Variants in SGCZ observed in about 807,000 individuals in gnomAD.
SGCZ encodes zeta-sarcoglycan.
A neutral mutation model predicts 41.3 loss-of-function variants in SGCZ; 40 were observed. The observed-to-expected ratio is 0.97, with a 90% confidence interval of 0.75 to 1.26. The LOEUF (loss-of-function observed/expected upper bound fraction) is 1.26, where lower values mean the gene tolerates loss of function less well. SGCZ is among the 50% of genes most tolerant of loss of function. The pLI, the probability that SGCZ is intolerant of heterozygous loss-of-function variation, is 0.00. For synonymous variants in SGCZ, 206 were observed against 137.5 expected, an observed-to-expected ratio of 1.50 and a Z score of -3.49; for missense variants, 552 against 369.8, an observed-to-expected ratio of 1.49 and a Z score of -4.04.
intron 1 of SGCZ, among the ~76,000 whole-genome samples, chr8:15,051,503 C>T (rs1230019938): frequency 2.0e-5 from 3 of 151,900 alleles, no homozygotes; most frequent in South Asian, 2.1e-4. Flanking sequence ...TGGACATATG[C>T]GTATATTTTC....
At chr8:14,887,255 C>G (rs909621827) in intron 1 of SGCZ, among the ~76,000 whole-genome samples, 1 of 152,124 alleles carries the variant, frequency 6.6e-6, no homozygotes, top group East Asian at 1.9e-4. Flanking sequence ...ATGCAGATAT[C>G]CTTATTCATA....
At chr8:14,132,186 G>GTCTTAAAGTTTGCTATTTTTT (rs1803062190) in intron 5 of SGCZ, among the ~76,000 whole-genome samples, 1 of 151,896 alleles carries the variant, frequency 6.6e-6, no homozygotes, top group East Asian at 1.9e-4. Context: ...TGCTTGGCCT[G>GTCTTAAAGTTTGCTATTTTTT]TCTTAAAGTT....
At chr8:14,368,246 C>CA (rs1803784224) in intron 2 of SGCZ, among the ~76,000 whole-genome samples, 1 of 151,810 alleles carries the variant, frequency 6.6e-6, no homozygotes. Flanking sequence ...CTTTTAATTG[C>CA]ATGTTATAAT....
intron 1 of SGCZ, among the ~76,000 whole-genome samples, chr8:15,132,769 G>A (rs1031499433): frequency 6.6e-6 from 1 of 152,132 alleles, no homozygotes; most frequent in Non-Finnish European, 1.5e-5. Context: ...GTCAGCAAAT[G>A]CTTCCTCTCT....
At chr8:14,459,465 A>G (rs1367707787) in intron 2 of SGCZ, among the ~76,000 whole-genome samples, 1 of 152,198 alleles carries the variant, frequency 6.6e-6, no homozygotes, top group Non-Finnish European at 1.5e-5. Context: ...GTTCTAATAC[A>G]TATAGAAGGC....
chr8:14,768,576 C>T (rs1800119116), intron 1 of SGCZ, among the ~76,000 whole-genome samples: 1 of 152,130 alleles, frequency 6.6e-6, no homozygotes, highest in African/African-American at 2.4e-5. Context: ...AAAATTATGT[C>T]TTTTTTGTCC....
At chr8:14,416,513 G>A (rs1799497767) in intron 2 of SGCZ, among the ~76,000 whole-genome samples, 1 of 151,828 alleles carries the variant, frequency 6.6e-6, no homozygotes, top group Admixed American at 6.6e-5. Context: ...TTAGCAGAGT[G>A]AAGGCCCCAG....
intron 1 of SGCZ, among the ~76,000 whole-genome samples, chr8:14,915,690 C>T (rs1263183843): frequency 1.3e-5 from 2 of 152,148 alleles, no homozygotes; most frequent in African/African-American, 4.8e-5. Context: ...TCTGTGTTCC[C>T]TTCGTAGTAA....
intron 1 of SGCZ, among the ~76,000 whole-genome samples, chr8:14,845,646 G>A (rs775067915): frequency 1.3e-5 from 2 of 152,104 alleles, no homozygotes; most frequent in South Asian, 2.1e-4. Context: ...ATGGAAAAAC[G>A]ATGCCCAAAT....
intron 1 of SGCZ, among the ~76,000 whole-genome samples, chr8:14,782,262 A>T: frequency 6.6e-6 from 1 of 152,056 alleles, no homozygotes; most frequent in East Asian, 1.9e-4. Context: ...TTGAGTAAAA[A>T]CTCTGTCATT....
At chr8:15,194,363 A>G (rs17472351) in intron 1 of SGCZ, among the ~76,000 whole-genome samples, 18,296 of 152,224 alleles carry the variant, frequency 0.12, 1,230 homozygotes, top group African/African-American at 0.19. Context: ...AGGTAGATAC[A>G]AACTTCAAAC....
intron 4 of SGCZ, among the ~76,000 whole-genome samples, chr8:14,192,491 C>A (rs1442552948): frequency 6.6e-6 from 1 of 151,772 alleles, no homozygotes; most frequent in Non-Finnish European, 1.5e-5. Flanking sequence ...TGTTATCTCC[C>A]AGAATTATTT....
At chr8:14,529,398 A>T (rs1249062016) in intron 2 of SGCZ, among the ~76,000 whole-genome samples, 1 of 152,160 alleles carries the variant, frequency 6.6e-6, no homozygotes, top group Non-Finnish European at 1.5e-5. Flanking sequence ...AGGGGCTGGC[A>T]TGCGTGATCA....
chr8:14,479,453 T>C (rs1801459900), intron 2 of SGCZ, among the ~76,000 whole-genome samples: 1 of 152,172 alleles, frequency 6.6e-6, no homozygotes, highest in Admixed American at 6.5e-5. Flanking sequence ...CCCAGTTCAC[T>C]GACAAAGGTT....
chr8:14,160,884 G>A (rs904775626), intron 5 of SGCZ, among the ~76,000 whole-genome samples: 1 of 152,166 alleles, frequency 6.6e-6, no homozygotes, highest in Admixed American at 6.5e-5. Flanking sequence ...TTGTCTAAAT[G>A]AATCCATCCA....
At chr8:14,139,658 A>G (rs555491122) in intron 5 of SGCZ, among the ~76,000 whole-genome samples, 27 of 152,316 alleles carry the variant, frequency 1.8e-4, no homozygotes, top group African/African-American at 6.5e-4. Flanking sequence ...GAATCCCTGA[A>G]TAGACTAAAA....
intron 1 of SGCZ, among the ~76,000 whole-genome samples, chr8:15,183,413 A>T (rs1421335951): frequency 2.6e-5 from 4 of 152,208 alleles, no homozygotes; most frequent in Non-Finnish European, 5.9e-5. Flanking sequence ...CAGGTCCATT[A>T]TAAGTTTATG....
chr8:15,142,701 T>C (rs1435604338), intron 1 of SGCZ, among the ~76,000 whole-genome samples: 1 of 104,412 alleles, frequency 9.6e-6, no homozygotes, highest in Non-Finnish European at 1.8e-5. Context: ...AACCTCCGCC[T>C]CCTGGGCTCA....
chr8:14,492,247 A>G (rs1563364818), intron 2 of SGCZ, among the ~76,000 whole-genome samples: 1 of 152,214 alleles, frequency 6.6e-6, no homozygotes, highest in Admixed American at 6.5e-5. Flanking sequence ...TTCAAAATGT[A>G]CTTATCACTG....
Sources: allele counts gnomAD v4.1 joint callset (sites outside exome capture counted in the v4.1 genomes callset), GRCh38; gene constraint gnomAD v4.1.1; transcripts MANE v1.5; gene names NCBI Gene and HGNC (gene_info 2026-07-23, HGNC 2026-07-21).